MSTO1: variants seen among roughly 807,000 people sequenced by gnomAD.
MSTO1 encodes protein misato homolog 1.
MSTO1 carries 24 observed loss-of-function variants against 55.7 expected under a neutral mutation model. The ratio of observed to expected loss-of-function variants is 0.43; its 90% CI spans 0.31 to 0.61. The LOEUF (loss-of-function observed/expected upper bound fraction) is 0.61. Ranked by LOEUF, MSTO1 falls within the 20% of genes least tolerant of loss-of-function variation. The pLI is 0.09. For missense variants in MSTO1, 363 were observed against 625.7 expected, an observed-to-expected ratio of 0.58 and a Z score of 4.48; for synonymous variants, 162 against 252.8, an observed-to-expected ratio of 0.64 and a Z score of 3.41.
At chr1:155,591,313 C>A in the MSTO1 span, 1 of 1,357,588 alleles carries the variant, frequency 7.4e-7, no homozygotes, top group Non-Finnish European at 1.0e-6. Context: ...AATTCCTAGG[C>A]CAAGTCGACA....
intron 2 of MSTO1, 164 bp downstream of exon 2, chr1:155,610,724 T>G: frequency 1.7e-6 from 1 of 586,222 alleles, no homozygotes; most frequent in East Asian, 2.8e-5. Context: ...CGACAGTTGC[T>G]CAAGAGCCAT....
At chr1:155,608,803 T>G (rs1571202050), upstream of MSTO1, among the ~76,000 whole-genome samples, 1 of 150,642 alleles carries the variant, frequency 6.6e-6, no homozygotes, top group East Asian at 2.0e-4. Context: ...CGCCCGGCCT[T>G]TTTTATTTTT....
At chr1:155,570,768 G>A in the MSTO1 span, among the ~76,000 whole-genome samples, 1 of 152,130 alleles carries the variant, frequency 6.6e-6, no homozygotes, top group Non-Finnish European at 1.5e-5. Flanking sequence ...AAAACTGTGT[G>A]TGTGTGTTTG....
At chr1:155,589,818 C>T in the MSTO1 span, among the ~76,000 whole-genome samples, 4 of 151,720 alleles carry the variant, frequency 2.6e-5, no homozygotes, top group Non-Finnish European at 5.9e-5. Flanking sequence ...TGGTGTCCAC[C>T]CACACTGAGG....
the MSTO1 span, among the ~76,000 whole-genome samples, chr1:155,594,619 C>T: frequency 6.6e-6 from 1 of 151,570 alleles, no homozygotes. Flanking sequence ...AGCCGTGTTT[C>T]TCTCTCTCTT....
the MSTO1 span, among the ~76,000 whole-genome samples, chr1:155,581,343 A>G: frequency 2.2e-4 from 34 of 152,168 alleles, no homozygotes; most frequent in Non-Finnish European, 3.7e-4. Flanking sequence ...GATAATGGGG[A>G]AAAGCTCAGA....
chr1:155,590,634 C>A, the MSTO1 span: 1 of 1,400,362 alleles, frequency 7.1e-7, no homozygotes, highest in Non-Finnish European at 9.7e-7. Flanking sequence ...ACTCAGAGGT[C>A]CCCCGAGAGA....
At chr1:155,599,132 C>A in the MSTO1 span, among the ~76,000 whole-genome samples, 1 of 151,794 alleles carries the variant, frequency 6.6e-6, no homozygotes, top group Non-Finnish European at 1.5e-5. Flanking sequence ...GAGCCGTGAT[C>A]GCACCACTGC....
the MSTO1 span, among the ~76,000 whole-genome samples, chr1:155,587,439 C>CAAAA: frequency 7.8e-4 from 41 of 52,634 alleles, no homozygotes; most frequent in African/African-American, 1.1e-3. Flanking sequence ...GACTACGTCT[C>CAAAA]AAAAAAAAAA....
In MSTO1 at chr1:155,612,919, T is replaced by A. The variant is rs1344969875; in HGVS notation, c.1042T>A (p.Ser348Thr). 2 of 1,613,860 alleles carry A rather than the reference T, an allele frequency of 1.2e-6. No homozygotes were observed. Among genetic ancestry groups the A allele is most frequent in the Non-Finnish European group, 1.7e-6 (2 of 1,179,766 alleles). The change falls in exon 10 of 14, where the codon TCC (serine) becomes ACC (threonine). Residue 348 changes from serine (S) to threonine (T), a missense_variant. Physicochemically the swap from Ser to Thr is moderately conservative, Grantham distance 58. Transcript: ENST00000245564. ...AGTCACTGTTCCTTATCGCCTGTGT[T>A]CCTCTCCAGTTTCCATGGTTCATCT... ...DTVTVPYRLC[S>T]SPVSMVHLAD... is the part of the protein sequence containing the mutation.
chr1:155,595,176 GTTTTT>G, the MSTO1 span, among the ~76,000 whole-genome samples: 4 of 102,510 alleles, frequency 3.9e-5, no homozygotes, highest in South Asian at 3.8e-4. Flanking sequence ...CAGGTTTGTT[GTTTTT>G]TTTTTTTTTT....
chr1:155,594,629 T>C, the MSTO1 span, among the ~76,000 whole-genome samples: 61 of 149,684 alleles, frequency 4.1e-4, no homozygotes, highest in East Asian at 2.7e-3. Flanking sequence ...CTCTCTCTCT[T>C]TTTTTTTTAA....
the MSTO1 span, among the ~76,000 whole-genome samples, chr1:155,579,124 A>G: frequency 2.0e-5 from 3 of 151,482 alleles, no homozygotes; most frequent in South Asian, 4.2e-4. Flanking sequence ...CCTGACCAAC[A>G]TGGAGAAACC....
upstream of MSTO1, chr1:155,610,145 A>G (rs1673496413): frequency 2.7e-5 from 29 of 1,093,600 alleles, no homozygotes; most frequent in Non-Finnish European, 3.7e-5. Flanking sequence ...TTGCGGGCCA[A>G]TAAGTAGCCG....
chr1:155,587,772 CTG>C, the MSTO1 span, among the ~76,000 whole-genome samples: 1 of 146,110 alleles, frequency 6.8e-6, no homozygotes, highest in Non-Finnish European at 1.5e-5. Flanking sequence ...AAAGGAATAA[CTG>C]TGCTTGAGAA....
the MSTO1 span, among the ~76,000 whole-genome samples, chr1:155,569,228 C>T: frequency 2.0e-5 from 3 of 151,018 alleles, no homozygotes; most frequent in South Asian, 4.2e-4. Context: ...TTCCACCTCC[C>T]GGGTTGAAGC....
At chr1:155,592,802 G>A in the MSTO1 span, among the ~76,000 whole-genome samples, 3 of 151,992 alleles carry the variant, frequency 2.0e-5, no homozygotes, top group South Asian at 2.1e-4. Context: ...TGATCCACCC[G>A]CCTTGGGCTC....
At chr1:155,586,271 G>C in the MSTO1 span, among the ~76,000 whole-genome samples, 1 of 139,772 alleles carries the variant, frequency 7.2e-6, no homozygotes, top group East Asian at 2.2e-4. Context: ...TCGAAATCCT[G>C]ACCTCAGGTG....
At chr1:155,568,026 G>A in the MSTO1 span, among the ~76,000 whole-genome samples, 2 of 150,688 alleles carry the variant, frequency 1.3e-5, no homozygotes, top group East Asian at 2.0e-4. Flanking sequence ...CAACAAGAGC[G>A]AAACCCTGTC....
Sources: allele counts gnomAD v4.1 joint callset (sites outside exome capture counted in the v4.1 genomes callset), GRCh38; gene constraint gnomAD v4.1.1; transcripts MANE v1.5; gene names NCBI Gene and HGNC (gene_info 2026-07-23, HGNC 2026-07-21).